Variants in FSIP2 observed in about 807,000 individuals in gnomAD.
FSIP2 encodes the protein fibrous sheath interacting protein 2, also known as fibrous sheath-interacting protein 2.
Under a neutral mutation model 510.5 loss-of-function variants are expected in FSIP2, and 367 were observed. The observed-to-expected ratio is 0.72, with a 90% CI of 0.66 to 0.78. The LOEUF is 0.78. Among genes scored for constraint, FSIP2 ranks in the 30% least tolerant of loss-of-function variants. The pLI, the probability that FSIP2 is intolerant of heterozygous loss-of-function variation, is 0.00. For synonymous variants in FSIP2, 2,601 were observed against 2,732.2 expected (o/e 0.95, Z 1.50); for missense variants, 7,594 against 7,901.7 (o/e 0.96, Z 1.48).
Position 185,793,332 on chromosome 2 carries a change from T to C in FSIP2, c.6196T>C (p.Leu2066=). 6.5e-7 allele frequency: 1 copy of C among 1,534,148 alleles called. No individual in the cohort carries two copies. The highest frequency in any genetic ancestry group is 1.2e-5 in the South Asian group (1 of 84,012). The change falls in exon 16 of 23, where the codon TTA becomes CTA. Residue 2066 remains leucine, a synonymous_variant. Coordinates refer to ENST00000424728, the MANE Select transcript of FSIP2 (RefSeq NM_173651.4). The stretch of plus-strand genomic sequence containing the variant: ...AAACAGTTCTGACAAAGAGATCGAT[T>C]TAGATCAGCAAAAAGGTGTTATTGA... ...DKNSSDKEID[L]DQQKGVIEKL... is the part of the protein sequence containing the mutation.
intron 13 of FSIP2, among the ~76,000 whole-genome samples, chr2:185,771,001 G>T (rs1320514269): frequency 6.6e-6 from 1 of 152,156 alleles, no homozygotes; most frequent in Non-Finnish European, 1.5e-5. Flanking sequence ...AAATCTCAAA[G>T]CTCCAAAATA....
At chr2:185,816,674 C>CTAAAA (rs940230711) in intron 19 of FSIP2, among the ~76,000 whole-genome samples, 142 of 151,386 alleles carry the variant, frequency 9.4e-4, no homozygotes, top group South Asian at 5.6e-3. Context: ...CCTAACTCTA[C>CTAAAA]TAAAATAAAA....
intron 17 of FSIP2, among the ~76,000 whole-genome samples, chr2:185,810,614 AAC>A (rs1693707514): frequency 6.6e-6 from 1 of 150,530 alleles, no homozygotes; most frequent in African/African-American, 2.5e-5. Flanking sequence ...AGAATGTCCT[AAC>A]ACAGAAAATT....
At position 185,808,716 on chromosome 2, in the gene FSIP2, T is replaced by A. The variant is rs1283441392; in HGVS notation, c.19410T>A (p.Ile6470=). ...TTTCAAGTTTTCCATTAGATACAAT[T>A]AACTCAACAATTTCAAATGCTGATC... ...DGVSSFPLDT[I]NSTISNADLS... is the part of the protein sequence containing the mutation. The change falls in exon 17 of 23, where the codon ATT becomes ATA. Residue 6470 remains isoleucine (I), a synonymous_variant. Coordinates refer to ENST00000424728, the MANE Select transcript of FSIP2 (RefSeq NM_173651.4). The A allele has an allele frequency of 6.2e-7, 1 of 1,611,956 alleles. No homozygotes were observed. Among genetic ancestry groups the A allele is most frequent in the African/African-American group, 1.3e-5 (1 of 74,820 alleles).
Position 185,800,490 on chromosome 2 carries a change from C to T in FSIP2, c.11184C>T (p.Tyr3728=). 2.6e-6 allele frequency: 4 copies of T among 1,533,232 alleles called. No individual in the cohort carries two copies. In the South Asian group the frequency reaches 3.6e-5, roughly 14 times the overall value. 95.0% of individuals were successfully genotyped at this position (1,533,232 alleles called of 1,614,324 possible). The change falls in exon 17 of 23, where the codon TAC becomes TAT. Residue 3728 remains tyrosine (Y), a synonymous_variant. Transcript: ENST00000424728. ...GTAAAATACAAAGAACATATTTCTACTCCTCGAATAATGAGCAACCTAATA... is the reference window on the plus strand; with the variant it reads ...GTAAAATACAAAGAACATATTTCTATTCCTCGAATAATGAGCAACCTAATA... ...DSGKIQRTYF[Y]SSNNEQPNSI... is the part of the protein sequence containing the mutation.
rs181034697 is a variant in FSIP2, at chr2:185,801,688, C to T, written c.12382C>T (p.Pro4128Ser). The T allele has an allele frequency of 1.8e-5, 28 of 1,527,166 alleles. No individual in the cohort carries two copies. In the East Asian group the frequency reaches 6.6e-4, roughly 36 times the overall value. 94.6% of individuals were successfully genotyped at this position (1,527,166 alleles called of 1,614,324 possible). ...TAACCTAACAGAATTTACTTCTCTACCCAGGTCTTCATCAGACTATAGTAC... is the reference window on the plus strand; with the variant it reads ...TAACCTAACAGAATTTACTTCTCTATCCAGGTCTTCATCAGACTATAGTAC... ...QSNLTEFTSL[P>S]RSSSDYSTML... Residue 4128 changes from proline (P) to serine (S), a missense_variant, in exon 17 of 23, where the codon CCC becomes TCC. Transcript: ENST00000424728.
In FSIP2 at chr2:185,790,518, C is replaced by A. The variant is rs1328454274; in HGVS notation, c.3382C>A (p.His1128Asn). The change falls in exon 16 of 23, where the codon CAC (histidine) becomes AAC (asparagine). Residue 1128 changes from histidine to asparagine, a missense_variant. Coordinates refer to ENST00000424728, the MANE Select transcript of FSIP2 (RefSeq NM_173651.4). The part of the protein sequence containing the change: ...LKDISSVPFG[H>N]LDSKTGSEAS... ...GGACATATCTTCCGTTCCTTTTGGTCACTTAGACAGCAAAACTGGCAGTGA... is the reference window on the plus strand; with the variant it reads ...GGACATATCTTCCGTTCCTTTTGGTAACTTAGACAGCAAAACTGGCAGTGA... The A allele has an allele frequency of 6.5e-7, 1 of 1,534,116 alleles. No individual in the cohort carries two copies. Among genetic ancestry groups the A allele is most frequent in the South Asian group, 1.2e-5 (1 of 83,910 alleles).
chr2:185,806,195 C>T lies in FSIP2; in HGVS notation c.16889C>T (p.Ser5630Phe), dbSNP rs774581770. Reference sequence around the variant, plus strand: ...AAAGATGACAAGCTCTTTCAGTTATCCTCCTTGAAGTCCAAGAGAAATCTA... The same window carrying T: ...AAAGATGACAAGCTCTTTCAGTTATTCTCCTTGAAGTCCAAGAGAAATCTA... ...FKKDDKLFQL[S>F]SLKSKRNLGT... Residue 5630 changes from serine (S) to phenylalanine (F), a missense_variant, in exon 17 of 23, where the codon TCC (serine) becomes TTC (phenylalanine). Ser to Phe is a radical substitution (Grantham distance 155). Transcript: ENST00000424728. 1.4e-5 allele frequency: 22 copies of T among 1,593,148 alleles called. No homozygotes were observed. The highest frequency in any genetic ancestry group is 1.8e-5 in the Non-Finnish European group (21 of 1,173,590).
Position 185,802,002 on chromosome 2 carries a change from A to T in FSIP2, c.12696A>T (p.Gln4232His). The change falls in exon 17 of 23, where the codon CAA (glutamine) becomes CAT (histidine). Residue 4232 changes from glutamine (Q) to histidine (H), a missense_variant. By Grantham distance (24) the Gln-to-His change is conservative. Coordinates refer to ENST00000424728, the MANE Select transcript of FSIP2 (RefSeq NM_173651.4). ...TGTCTGACTCTCTTGTTTCAATACAAAAAAGTATAGTAAGCCGAAGCCCAA... is the reference window on the plus strand; with the variant it reads ...TGTCTGACTCTCTTGTTTCAATACATAAAAGTATAGTAAGCCGAAGCCCAA... ...LQMSDSLVSI[Q>H]KSIVSRSPIM... The T allele has an allele frequency of 6.6e-7, 1 of 1,524,964 alleles. No individual in the cohort carries two copies. Among genetic ancestry groups the T allele is most frequent in the East Asian group, 2.5e-5 (1 of 40,798 alleles). The allele number at this position is 1,524,964 out of a possible 1,614,324, so 94.5% of individuals were successfully genotyped here. A position where few individuals can be genotyped will look rare whatever the true frequency, so the allele number is the denominator to read the frequency against.
chr2:185,767,201 GA>G (rs1692506027), intron 13 of FSIP2, among the ~76,000 whole-genome samples: 1 of 149,382 alleles, frequency 6.7e-6, no homozygotes, highest in African/African-American at 2.5e-5. Context: ...ATAGCATCGG[GA>G]GATATACCTA....
At chr2:185,812,033 G>C (rs988499964) in intron 17 of FSIP2, among the ~76,000 whole-genome samples, 2 of 152,120 alleles carry the variant, frequency 1.3e-5, no homozygotes, top group South Asian at 2.1e-4. Context: ...ATCCCACACA[G>C]AGTCTCCACT....
Position 185,738,862 on chromosome 2 carries a change from G to T in FSIP2, c.-33G>T. ...GGTGCTAGAGAAGGAGAGCGGGGCG[G>T]GTGAGGAAGGGGCTGAGGGGGCTGT... On this transcript the variant is annotated 5_prime_UTR_variant, in exon 1 of 23. Transcript: ENST00000424728. 1 of 1,524,640 alleles carries T rather than the reference G, an allele frequency of 6.6e-7. No homozygotes were observed. Among genetic ancestry groups the T allele is most frequent in the Non-Finnish European group, 8.8e-7 (1 of 1,141,898 alleles). The allele number at this position is 1,524,640 out of a possible 1,614,324, so 94.4% of individuals were successfully genotyped here. A position where few individuals can be genotyped will look rare whatever the true frequency, so the allele number is the denominator to read the frequency against.
chr2:185,776,813 C>A (rs1359947977), intron 13 of FSIP2, among the ~76,000 whole-genome samples: 1 of 152,016 alleles, frequency 6.6e-6, no homozygotes, highest in Non-Finnish European at 1.5e-5. Context: ...CGGCTCACTG[C>A]AACTTCCGCC....
In FSIP2 at chr2:185,789,896, AAAT is replaced by A. The variant is rs1463275484; in HGVS notation, c.2764_2766del (p.Asn922del). 6.5e-7 allele frequency: 1 copy of A among 1,532,700 alleles called. No individual in the cohort carries two copies. Among genetic ancestry groups the A allele is most frequent in the Non-Finnish European group, 8.7e-7 (1 of 1,144,314 alleles). The allele number at this position is 1,532,700 out of a possible 1,614,324, so 94.9% of individuals were successfully genotyped here. On this transcript the variant is annotated inframe_deletion, in exon 16 of 23. Transcript: ENST00000424728. ...TACTAGGTTATATACAAACTGAACTAAATAATGAGAGAATTATTGCATCTGAAG... is the reference window on the plus strand; with the variant it reads ...TACTAGGTTATATACAAACTGAACTAAATGAGAGAATTATTGCATCTGAAG...
intron 17 of FSIP2, among the ~76,000 whole-genome samples, chr2:185,809,887 C>T (rs1212211966): frequency 6.6e-6 from 1 of 152,016 alleles, no homozygotes; most frequent in Non-Finnish European, 1.5e-5. Flanking sequence ...AAAATAATGT[C>T]CTTATTACAA....
At chr2:185,739,527 C>G in intron 2 of FSIP2, 56 bp downstream of exon 2, 1 of 1,372,424 alleles carries the variant, frequency 7.3e-7, no homozygotes, top group Non-Finnish European at 9.5e-7. Context: ...TGCTGTTTAA[C>G]TCAAAGGCTG....
At chr2:185,823,706 A>G (rs994661481) in intron 19 of FSIP2, among the ~76,000 whole-genome samples, 3 of 151,740 alleles carry the variant, frequency 2.0e-5, no homozygotes, top group African/African-American at 7.2e-5. Context: ...TTAAACATAG[A>G]CTTACCCTAT....
At position 185,739,455 on chromosome 2, in the gene FSIP2, C is replaced by A; in HGVS notation, c.209C>A (p.Thr70Lys). ...GGAAGCAATGCTGTATTCTATACTACGAATTTCGGTGAAAAGGTGAACAAG... is the reference window on the plus strand; with the variant it reads ...GGAAGCAATGCTGTATTCTATACTAAGAATTTCGGTGAAAAGGTGAACAAG... ...IPGSNAVFYT[T>K]NFGEKLFRPS... Residue 70 changes from threonine (T) to lysine (K), a missense_variant, in exon 2 of 23, where the codon ACG (threonine) becomes AAG (lysine). Transcript: ENST00000424728. 1.3e-6 allele frequency: 2 copies of A among 1,507,754 alleles called. No homozygotes were observed. Among genetic ancestry groups the A allele is most frequent in the Non-Finnish European group, 8.8e-7 (1 of 1,133,898 alleles). The allele number at this position is 1,507,754 out of a possible 1,614,324, so 93.4% of individuals were successfully genotyped here. A position where few individuals can be genotyped will look rare whatever the true frequency, so the allele number is the denominator to read the frequency against.
chr2:185,782,848 A>G, intron 14 of FSIP2, 86 bp downstream of exon 14: 1 of 749,868 alleles, frequency 1.3e-6, no homozygotes, highest in Non-Finnish European at 2.3e-6. Context: ...ATTCCATGGA[A>G]TCCTCCATTT....
Sources: allele counts gnomAD v4.1 joint callset (sites outside exome capture counted in the v4.1 genomes callset), GRCh38; gene constraint gnomAD v4.1.1; transcripts MANE v1.5; gene names NCBI Gene and HGNC (gene_info 2026-07-23, HGNC 2026-07-21).